JAKMIP3: variants seen among roughly 807,000 people sequenced by gnomAD.
JAKMIP3 encodes janus kinase and microtubule-interacting protein 3.
A neutral mutation model predicts 118.5 loss-of-function variants in JAKMIP3; 58 were observed. The observed-to-expected ratio is 0.49, with a 90% confidence interval of 0.40 to 0.61. The LOEUF (loss-of-function observed/expected upper bound fraction) is 0.61. Ranked by LOEUF, JAKMIP3 falls within the 20% of genes least tolerant of loss-of-function variation. The pLI is 0.00. For missense variants in JAKMIP3, 950 were observed against 1,109.0 expected (o/e 0.86, Z 2.04); for synonymous variants, 486 against 451.2 (o/e 1.08, Z -0.98).
intron 2 of JAKMIP3, among the ~76,000 whole-genome samples, chr10:132,109,103 T>C (rs113828691): frequency 9.2e-5 from 13 of 141,966 alleles, no homozygotes; most frequent in African/African-American, 1.1e-4. Flanking sequence ...CATATATATA[T>C]ACACACACAC....
intron 1 of JAKMIP3, among the ~76,000 whole-genome samples, chr10:132,083,881 C>G (rs1037733846): frequency 1.3e-5 from 2 of 152,114 alleles, no homozygotes; most frequent in African/African-American, 4.8e-5. Context: ...CTATTCTGTT[C>G]CATTGGTCTA....
At chr10:132,155,590 G>A (rs2056997470) in intron 19 of JAKMIP3, among the ~76,000 whole-genome samples, 1 of 152,230 alleles carries the variant, frequency 6.6e-6, no homozygotes. Flanking sequence ...CAGTGTGTGA[G>A]CCATGGGAGG....
intron 2 of JAKMIP3, among the ~76,000 whole-genome samples, chr10:132,109,597 G>A (rs2046538514): frequency 6.6e-6 from 1 of 152,156 alleles, no homozygotes; most frequent in Admixed American, 6.5e-5. Flanking sequence ...GGGCCCTGAG[G>A]ATCCTGAGGA....
At chr10:132,138,419 C>T (rs908996154) in intron 9 of JAKMIP3, among the ~76,000 whole-genome samples, 52 of 137,160 alleles carry the variant, frequency 3.8e-4, no homozygotes, top group Admixed American at 3.4e-3. Flanking sequence ...GAGGGGTGCG[C>T]CGGTGTATGT....
chr10:132,173,512 A>C (rs1262031721), intron 23 of JAKMIP3, among the ~76,000 whole-genome samples: 1 of 151,912 alleles, frequency 6.6e-6, no homozygotes, highest in Non-Finnish European at 1.5e-5. Flanking sequence ...CACACACAAC[A>C]CTGTTTTCCA....
In JAKMIP3 at chr10:132,163,377, C is replaced by T. The variant is rs774428233; in HGVS notation, c.2389C>T (p.Arg797Trp). 7.3e-5 allele frequency: 117 copies of T among 1,606,070 alleles called. No homozygotes were observed. Among genetic ancestry groups the T allele is most frequent in the Non-Finnish European group, 9.1e-5 (107 of 1,179,164 alleles). The change falls in exon 20 of 24, where the codon CGG becomes TGG. Residue 797 changes from arginine (R) to tryptophan (W), a missense_variant. Transcript: ENST00000684848. ...GCGCGAGCGGGACGCCCAGATCCTG[C>T]GGGAGCGCATGGAGCTGCTGCAGCT... Reference protein sequence around the residue: ...ELRERDAQILRERMELLQLAQ... With the variant: ...ELRERDAQILWERMELLQLAQ...
intron 1 of JAKMIP3, among the ~76,000 whole-genome samples, chr10:132,095,289 C>T (rs2134529548): frequency 6.6e-6 from 1 of 152,330 alleles, no homozygotes; most frequent in Non-Finnish European, 1.5e-5. Context: ...TGGAGGTTTC[C>T]TTCTCCCTGT....
intron 1 of JAKMIP3, among the ~76,000 whole-genome samples, chr10:132,056,995 AG>A (rs1166063571): frequency 1.3e-5 from 2 of 152,038 alleles, no homozygotes; most frequent in African/African-American, 4.8e-5. Flanking sequence ...GATCCTACCC[AG>A]GGGTCTAGAA....
At chr10:132,046,804 T>G (rs1426149307) in intron 1 of JAKMIP3, among the ~76,000 whole-genome samples, 1 of 152,218 alleles carries the variant, frequency 6.6e-6, no homozygotes, top group African/African-American at 2.4e-5. Flanking sequence ...TAGAGAGCTA[T>G]CTGGGCCAAG....
rs11146135 is a variant in JAKMIP3 at position 132,057,978 on chromosome 10, G to A, written c.-138+21240G>A. ...AACAGGAGAGTCTGCAATCAGGGCC[G>A]CATCCTGGGGCTGGACGGGGCCAGA... On this transcript the variant is annotated intron_variant, in intron 1 of 23. Coordinates refer to the JAKMIP3 transcript ENST00000657785. 0.011 allele frequency among the ~76,000 whole-genome samples: 1,640 copies of A among 152,302 alleles called. 133 individuals carry two copies. The East Asian group carries it at 0.22, about 20-fold the overall frequency.
chr10:132,080,526 TTTTTTTTTTTTTTA>T (rs1338966716), intron 1 of JAKMIP3, among the ~76,000 whole-genome samples: 4 of 114,118 alleles, frequency 3.5e-5, no homozygotes, highest in Non-Finnish European at 7.5e-5. Context: ...TTTTTTTTTT[TTTTTTTTTTTTTTA>T]AGATGGAGTC....
In JAKMIP3 at chr10:132,117,591, G is replaced by A. The variant is rs928154076; in HGVS notation, c.633+17G>A. 1 of 908,502 alleles carries A rather than the reference G, an allele frequency of 1.1e-6. No homozygotes were observed. Among genetic ancestry groups the A allele is most frequent in the African/African-American group, 3.0e-5 (1 of 33,736 alleles). 56.3% of individuals were successfully genotyped at this position (908,502 alleles called of 1,614,324 possible). A position where few individuals can be genotyped will look rare whatever the true frequency, so the allele number is the denominator to read the frequency against. ...CGCAGGCTGGTACGTGGGCAGGCAG[G>A]GGCGGGCGTGGGCGAGGGTGCAGGG... is the stretch of plus-strand genomic sequence containing the variant. On this transcript the variant is annotated intron_variant, in intron 3 of 23. Coordinates refer to ENST00000684848, the MANE Select transcript of JAKMIP3 (RefSeq NM_001323087.2). The surrounding 1 kb of genome is among the most constrained non-coding windows in gnomAD (Gnocchi z 8.6).
At chr10:132,145,301 C>G in intron 12 of JAKMIP3, 111 bp downstream of exon 12, 1 of 1,017,168 alleles carries the variant, frequency 9.8e-7, no homozygotes, top group Non-Finnish European at 1.5e-6. Context: ...ACAGCCTTGA[C>G]CTCCTGGGCT....
intron 21 of JAKMIP3, among the ~76,000 whole-genome samples, chr10:132,165,677 G>T (rs1001121658): frequency 6.6e-6 from 1 of 152,306 alleles, no homozygotes; most frequent in African/African-American, 2.4e-5. Flanking sequence ...GAGAGACCGG[G>T]TCCCTCTGGA....
chr10:132,098,142 C>T (rs184463649), intron 1 of JAKMIP3, among the ~76,000 whole-genome samples: 196 of 151,684 alleles, frequency 1.3e-3, no homozygotes, highest in Non-Finnish European at 2.1e-3. Flanking sequence ...CCCAAGCGAT[C>T]CTCCCGCCTC....
intron 19 of JAKMIP3, among the ~76,000 whole-genome samples, chr10:132,158,426 C>T (rs1299466292): frequency 1.3e-5 from 2 of 152,220 alleles, no homozygotes; most frequent in East Asian, 3.9e-4. Flanking sequence ...GATCAAAGCC[C>T]AGCTTCAGCT....
chr10:132,069,630 T>C (rs1448136300), intron 1 of JAKMIP3, among the ~76,000 whole-genome samples: 1 of 152,138 alleles, frequency 6.6e-6, no homozygotes, highest in African/African-American at 2.4e-5. Flanking sequence ...CCAGCGGCCA[T>C]GTCCATTTCA....
Position 132,180,628 on chromosome 10 carries a change from T to TGCGTGC in JAKMIP3, c.*1104-1728_*1104-1727insCGTGCG, listed in dbSNP as rs1213559282. Among the ~76,000 whole-genome samples the TGCGTGC allele has an allele frequency of 9.2e-5, 3 of 32,724 alleles. 1 individual carries two copies. 21.5% of individuals were successfully genotyped at this position (32,724 alleles called of 152,430 possible). Reference sequence around the variant, plus strand: ...GCGTGTGTGTGTGCGTGTGTGTGCGTGTGTGCGTGCGTGTGTGCGTGTGCG... The same window carrying TGCGTGC: ...GCGTGTGTGTGTGCGTGTGTGTGCGTGCGTGCGTGTGCGTGCGTGTGTGCGTGTGCG... On this transcript the variant is annotated intron_variant, in intron 23 of 23. Coordinates refer to ENST00000684848, the MANE Select transcript of JAKMIP3 (RefSeq NM_001323087.2).
At chr10:132,074,858 A>T (rs2040525019) in intron 1 of JAKMIP3, among the ~76,000 whole-genome samples, 1 of 152,088 alleles carries the variant, frequency 6.6e-6, no homozygotes, top group Non-Finnish European at 1.5e-5. Flanking sequence ...TTTGCATATG[A>T]TGAGAGGTAT....
Sources: gnomAD v4.1 joint callset for allele counts (sites outside exome capture counted in the v4.1 genomes callset) on GRCh38, gnomAD v4.1.1 for gene constraint, Gnocchi (gnomAD v3.1) non-coding constraint, MANE v1.5 for transcripts, NCBI Gene and HGNC (gene_info 2026-07-23, HGNC 2026-07-21) for gene names.